The following CPNE4 variants were observed in gnomAD, a reference collection of about 807,000 sequenced individuals.
The protein encoded by CPNE4 is copine 4, also known as copine-4.
In CPNE4, 25 loss-of-function variants were observed where a neutral mutation model predicts 67.9. That is an observed-to-expected ratio of 0.37 (90% CI 0.27 to 0.51). The LOEUF (loss-of-function observed/expected upper bound fraction) is 0.51. Among genes scored for constraint, CPNE4 ranks in the 20% least tolerant of loss-of-function variants. The pLI, the probability that CPNE4 is intolerant of heterozygous loss-of-function variation, is 0.93. For missense variants in CPNE4, 464 were observed against 690.8 expected, an observed-to-expected ratio of 0.67 and a Z score of 3.68; for synonymous variants, 242 against 244.9, an observed-to-expected ratio of 0.99 and a Z score of 0.11.
intron 3 of CPNE4, among the ~76,000 whole-genome samples, chr3:131,722,567 C>T (rs2081915024): frequency 6.6e-6 from 1 of 151,976 alleles, no homozygotes. Flanking sequence ...GCCACAATGC[C>T]TTCTTTGACT....
intron 9 of CPNE4, among the ~76,000 whole-genome samples, chr3:131,578,990 C>G (rs1937625104): frequency 6.6e-6 from 1 of 152,156 alleles, no homozygotes; most frequent in Non-Finnish European, 1.5e-5. Context: ...GGTTACTACA[C>G]TAAACAACGG....
rs555682196 is a variant in CPNE4 at position 131,663,473 on chromosome 3, T to TA, written c.681+6201dup. ...TGCACATGTATCCTAGAACTTAAAG[T>TA]AAAAAAACGTAAATTAAAAAAAATA... is the stretch of plus-strand genomic sequence containing the variant. On this transcript the variant is annotated intron_variant, in intron 7 of 15. Transcript: ENST00000429747. Among the ~76,000 whole-genome samples, 260 of 148,778 alleles carry TA rather than the reference T, an allele frequency of 1.7e-3. 1 individual carries two copies. The highest frequency in any genetic ancestry group is 5.7e-3 in the African/African-American group (229 of 40,244).
chr3:131,793,253 AC>A (rs150155142), intron 2 of CPNE4, among the ~76,000 whole-genome samples: 5,343 of 152,054 alleles, frequency 0.035, 161 homozygotes, highest in African/African-American at 0.081. Flanking sequence ...CATTCTTGCC[AC>A]CCTTTCCTCT....
At chr3:131,725,593 G>A (rs1294426715) in intron 2 of CPNE4, among the ~76,000 whole-genome samples, 1 of 152,126 alleles carries the variant, frequency 6.6e-6, no homozygotes, top group Non-Finnish European at 1.5e-5. Context: ...ATTTGTGCAG[G>A]TACAAGAATT....
chr3:131,760,767 T>G (rs187201649), intron 2 of CPNE4, among the ~76,000 whole-genome samples: 1 of 152,270 alleles, frequency 6.6e-6, no homozygotes, highest in Non-Finnish European at 1.5e-5. Flanking sequence ...TACGTGACAC[T>G]TTTTCTTTTT....
At chr3:131,589,604 C>A (rs1697774989) in intron 7 of CPNE4, among the ~76,000 whole-genome samples, 1 of 152,144 alleles carries the variant, frequency 6.6e-6, no homozygotes, top group African/African-American at 2.4e-5. Context: ...TCCTTCAATC[C>A]AATCAGGTTG....
At position 131,564,332 on chromosome 3, in the gene CPNE4, A is replaced by G. The variant is rs1203878577; in HGVS notation, c.945T>C (p.Thr315=). The change falls in exon 11 of 16, where the codon ACT becomes ACC. Residue 315 remains threonine (T), a synonymous_variant. Coordinates refer to ENST00000429747, the MANE Select transcript of CPNE4 (RefSeq NM_130808.3). ...TGTTCCTGGGGTCCCCGTTTGAGGC[A>G]GTGAAATCTATAGCTACCTAAAAGA... The part of the protein sequence containing the change: ...QIQFTVAIDF[T]ASNGDPRNSC... 1 of 1,612,318 alleles carries G rather than the reference A, an allele frequency of 6.2e-7. No homozygotes were observed. The highest frequency in any genetic ancestry group is 1.1e-5 in the South Asian group (1 of 90,884).
intron 9 of CPNE4, among the ~76,000 whole-genome samples, chr3:131,577,112 A>C (rs916455359): frequency 6.6e-6 from 1 of 152,152 alleles, no homozygotes; most frequent in Admixed American, 6.6e-5. Context: ...CAGTCATAAG[A>C]CATTATCCCC....
intron 3 of CPNE4, among the ~76,000 whole-genome samples, chr3:131,705,062 C>A (rs1485376610): frequency 7.2e-6 from 1 of 138,788 alleles, no homozygotes; most frequent in Non-Finnish European, 1.6e-5. Context: ...TTCCTACCTT[C>A]CCACCCACTT....
intron 5 of CPNE4, among the ~76,000 whole-genome samples, chr3:131,691,646 T>A (rs145839834): frequency 0.032 from 4,802 of 152,220 alleles, 109 homozygotes; most frequent in East Asian, 0.1. Flanking sequence ...CTCAGTGTCA[T>A]GCAATATACT....
intron 2 of CPNE4, among the ~76,000 whole-genome samples, chr3:131,739,212 C>T (rs181163200): frequency 6.6e-6 from 1 of 152,180 alleles, no homozygotes; most frequent in Non-Finnish European, 1.5e-5. Flanking sequence ...GAGCCCCTGC[C>T]TTTAACCATC....
intron 2 of CPNE4, among the ~76,000 whole-genome samples, chr3:131,869,301 T>G (rs2087096727): frequency 6.6e-6 from 1 of 152,234 alleles, no homozygotes; most frequent in African/African-American, 2.4e-5. Context: ...GCTTGTAGTG[T>G]TGTGCTCTGA....
At chr3:131,789,057 GAGAA>G (rs1251724542) in intron 2 of CPNE4, among the ~76,000 whole-genome samples, 10 of 150,486 alleles carry the variant, frequency 6.6e-5, no homozygotes, top group African/African-American at 2.4e-4. Flanking sequence ...GAGAGAGAGA[GAGAA>G]AGACTTTTAC....
At chr3:131,582,599 C>T (rs1363816724) in intron 8 of CPNE4, among the ~76,000 whole-genome samples, 1 of 152,122 alleles carries the variant, frequency 6.6e-6, no homozygotes, top group Non-Finnish European at 1.5e-5. Flanking sequence ...AGTGTCCATG[C>T]ATTTGTGTAG....
intron 2 of CPNE4, among the ~76,000 whole-genome samples, chr3:131,739,296 C>T (rs2082307385): frequency 1.3e-5 from 2 of 152,188 alleles, no homozygotes; most frequent in African/African-American, 4.8e-5. Flanking sequence ...GACAGTTCTT[C>T]TGCCTCAGAG....
chr3:131,656,482 T>C lies in CPNE4; in HGVS notation c.681+13193A>G, dbSNP rs565446112. Among the ~76,000 whole-genome samples the C allele has an allele frequency of 7.3e-4, 111 of 152,332 alleles. No homozygotes were observed. The Middle Eastern group carries it at 0.017, about 23-fold the overall frequency. The stretch of plus-strand genomic sequence containing the variant: ...TGAGACCAAATAGCAAAAAATCTGG[T>C]ACAATGTCATCAATGGTATCGAGCT... On this transcript the variant is annotated intron_variant, in intron 7 of 15. Transcript: ENST00000429747.
At chr3:131,640,875 C>T (rs73001261) in intron 7 of CPNE4, among the ~76,000 whole-genome samples, 20,302 of 152,058 alleles carry the variant, frequency 0.13, 1,529 homozygotes, top group African/African-American at 0.2. Flanking sequence ...TATTTACAGC[C>T]AACTGACCTT....
At chr3:131,952,869 G>A (rs940951396) in intron 1 of CPNE4, among the ~76,000 whole-genome samples, 3 of 152,306 alleles carry the variant, frequency 2.0e-5, no homozygotes, top group Non-Finnish European at 4.4e-5. Flanking sequence ...AATTAGACAT[G>A]GGAGACTTTT....
intron 14 of CPNE4, among the ~76,000 whole-genome samples, chr3:131,547,771 G>A (rs58798372): frequency 0.018 from 2,700 of 152,128 alleles, 94 homozygotes; most frequent in African/African-American, 0.062. Context: ...TCAAACCACC[G>A]GTTAGTGATT....
Sources: gnomAD v4.1 joint callset for allele counts (sites outside exome capture counted in the v4.1 genomes callset) on GRCh38, gnomAD v4.1.1 for gene constraint, MANE v1.5 for transcripts, NCBI Gene and HGNC (gene_info 2026-07-23, HGNC 2026-07-21) for gene names.